UNC79: variants seen among roughly 807,000 people sequenced by gnomAD.
The protein encoded by UNC79 is protein unc-79 homolog.
Under a neutral mutation model 283.1 loss-of-function variants are expected in UNC79, and 37 were observed. That is an observed-to-expected ratio of 0.13 (90% CI 0.10 to 0.17). The LOEUF (loss-of-function observed/expected upper bound fraction) is 0.17, where lower values mean the gene tolerates loss of function less well. Among genes scored for constraint, UNC79 ranks in the 10% least tolerant of loss-of-function variants. The probability of loss-of-function intolerance (pLI) is 1.00; values close to 1 mark genes in which losing one functional copy is unlikely to be tolerated. For missense variants in UNC79, 2,272 were observed against 3,211.1 expected, an observed-to-expected ratio of 0.71 and a Z score of 7.07; for synonymous variants, 1,107 against 1,200.2, an observed-to-expected ratio of 0.92 and a Z score of 1.61.
At chr14:93,657,719 A>T (rs564079404) in intron 38 of UNC79, among the ~76,000 whole-genome samples, 10 of 152,186 alleles carry the variant, frequency 6.6e-5, no homozygotes, top group Non-Finnish European at 1.3e-4. Flanking sequence ...GGCACAGAAG[A>T]GTGGCAAGTG....
chr14:93,518,091 A>G (rs1164274017), intron 7 of UNC79, among the ~76,000 whole-genome samples: 2 of 152,084 alleles, frequency 1.3e-5, no homozygotes, highest in Non-Finnish European at 2.9e-5. Context: ...ATCTGGTTCC[A>G]TTTACAGAGT....
intron 47 of UNC79, among the ~76,000 whole-genome samples, chr14:93,694,887 T>G (rs1335121202): frequency 6.6e-6 from 1 of 152,228 alleles, no homozygotes; most frequent in Non-Finnish European, 1.5e-5. Flanking sequence ...GAAAATAGTC[T>G]GTAATTGTCT....
intron 14 of UNC79, among the ~76,000 whole-genome samples, chr14:93,565,516 G>T (rs1362598432): frequency 6.6e-6 from 1 of 152,182 alleles, no homozygotes; most frequent in African/African-American, 2.4e-5. Context: ...AGGGTATCCT[G>T]TTCTTCTATA....
intron 17 of UNC79, among the ~76,000 whole-genome samples, chr14:93,576,261 A>C (rs1474222308): frequency 1.3e-5 from 2 of 152,158 alleles, no homozygotes; most frequent in Non-Finnish European, 2.9e-5. Context: ...TAATGGGGTA[A>C]TCTTCCTTTT....
At chr14:93,530,307 A>C (rs148814665) in intron 10 of UNC79, among the ~76,000 whole-genome samples, 2,650 of 152,328 alleles carry the variant, frequency 0.017, 38 homozygotes, top group South Asian at 0.072. Flanking sequence ...GCAATGGCTC[A>C]TGCCTGTAAT....
chr14:93,627,289 C>T (rs1392689820), intron 30 of UNC79, among the ~76,000 whole-genome samples: 3 of 152,174 alleles, frequency 2.0e-5, no homozygotes, highest in Non-Finnish European at 4.4e-5. Flanking sequence ...ATCCTAGTCT[C>T]TTCTCTATGA....
exon 13 of UNC79, chr14:93,540,701 A>G: frequency 6.2e-7 from 1 of 1,613,890 alleles, no homozygotes; most frequent in African/African-American, 1.3e-5. Context: ...CAGCGAGAAC[A>G]TGAGCTGAAC....
intron 1 of UNC79, among the ~76,000 whole-genome samples, chr14:93,449,882 G>A (rs1026258104): frequency 1.3e-5 from 2 of 152,186 alleles, no homozygotes; most frequent in African/African-American, 4.8e-5. Context: ...GTATAGATAA[G>A]ATACAGGAAA....
intron 47 of UNC79, among the ~76,000 whole-genome samples, chr14:93,698,022 T>A (rs1185398401): frequency 6.6e-6 from 1 of 152,240 alleles, no homozygotes; most frequent in African/African-American, 2.4e-5. Flanking sequence ...ATTGTTTTAC[T>A]TCCAAATATT....
Position 93,451,612 on chromosome 14 carries a change from C to T in UNC79, c.23-16059C>T, listed in dbSNP as rs115296378. On this transcript the variant is annotated intron_variant, in intron 1 of 48. Coordinates refer to ENST00000555664, the Ensembl canonical transcript of UNC79. ...AGATATTCTGAGTTGAGGAGAGGTG[C>T]TCTCTCAGGGCATGTGAAGTGGGGG... is the stretch of plus-strand genomic sequence containing the variant. Among the ~76,000 whole-genome samples the T allele has an allele frequency of 4.6e-3, 694 of 152,320 alleles. 3 individuals carry two copies. The highest frequency in any genetic ancestry group is 0.016 in the African/African-American group (660 of 41,564).
At chr14:93,505,278 T>C (rs1389608068) in intron 7 of UNC79, among the ~76,000 whole-genome samples, 1 of 152,132 alleles carries the variant, frequency 6.6e-6, no homozygotes, top group Non-Finnish European at 1.5e-5. Flanking sequence ...ACTATGACTG[T>C]GGATTTGTCT....
At chr14:93,604,991 T>TA in intron 26 of UNC79, 30 bp downstream of exon 27, 1 of 1,557,234 alleles carries the variant, frequency 6.4e-7, no homozygotes, top group Non-Finnish European at 8.6e-7. Context: ...AAGGGCCATG[T>TA]ACAAGTGTCT....
chr14:93,602,928 A>C (rs972931920), intron 25 of UNC79, among the ~76,000 whole-genome samples: 3 of 152,194 alleles, frequency 2.0e-5, no homozygotes, highest in African/African-American at 7.2e-5. Context: ...GGCATGAGCC[A>C]CCACACCTGG....
chr14:93,438,679 C>T (rs1401098485), intron 1 of UNC79, among the ~76,000 whole-genome samples: 5 of 147,914 alleles, frequency 3.4e-5, no homozygotes, highest in African/African-American at 5.0e-5. Flanking sequence ...TTTTTTTTCA[C>T]GTAACCCTCA....
intron 19 of UNC79, 22 bp from the exon 20 acceptor site, chr14:93,582,181 C>G: frequency 1.2e-6 from 2 of 1,614,068 alleles, no homozygotes; most frequent in Non-Finnish European, 1.7e-6. Context: ...GCTTACCTGG[C>G]TGCCTGTCCT....
chr14:93,670,962 T>C (rs1013077577), intron 40 of UNC79, among the ~76,000 whole-genome samples: 1 of 152,262 alleles, frequency 6.6e-6, no homozygotes, highest in African/African-American at 2.4e-5. Context: ...AACTGTATGC[T>C]TATATTTTAT....
In UNC79 at chr14:93,621,836, G is replaced by C; in HGVS notation, c.4603G>C (p.Ala1535Pro). ...TGACATAGAGAAGCCTCCGACCCAA[G>C]CTGCGTATATCGCACAAAGACCAAA... The change falls in exon 30 of 49, where the codon GCT becomes CCT. Residue 1535 changes from alanine (A) to proline (P), a missense_variant. Physicochemically the swap from Ala to Pro is conservative, Grantham distance 27 (BLOSUM62 -1). Transcript: ENST00000555664. The surrounding 1 kb of genome is among the most constrained non-coding windows in gnomAD (Gnocchi z 4.8). 3 of 1,614,066 alleles carry C rather than the reference G, an allele frequency of 1.9e-6. No homozygotes were observed. The South Asian group carries it at 3.3e-5, about 18-fold the overall frequency.
At chr14:93,590,330 T>A (rs1335572727) in intron 22 of UNC79, among the ~76,000 whole-genome samples, 7 of 152,066 alleles carry the variant, frequency 4.6e-5, no homozygotes, top group Non-Finnish European at 1.0e-4. Flanking sequence ...ATTCTACAGC[T>A]GCAGTGGGAG....
intron 26 of UNC79, among the ~76,000 whole-genome samples, chr14:93,610,609 T>C (rs1333704620): frequency 6.6e-6 from 1 of 151,958 alleles, no homozygotes; most frequent in African/African-American, 2.4e-5. Flanking sequence ...TTTCTTTTCT[T>C]TCTTTCTTTT....
Sources: allele counts gnomAD v4.1 joint callset (sites outside exome capture counted in the v4.1 genomes callset), GRCh38; gene constraint gnomAD v4.1.1; non-coding constraint Gnocchi (gnomAD v3.1); transcripts MANE v1.5; gene names NCBI Gene and HGNC (gene_info 2026-07-23, HGNC 2026-07-21).